The following MARF1 variants were observed in gnomAD, a reference collection of about 807,000 sequenced individuals.
MARF1 encodes meiosis regulator and mRNA stability factor 1, also known as limkain-b1.
MARF1 carries 24 observed loss-of-function variants against 168.2 expected under a neutral mutation model. That is an observed-to-expected ratio of 0.14 (90% confidence interval 0.10 to 0.20). The LOEUF (loss-of-function observed/expected upper bound fraction) is 0.20, where lower values mean the gene tolerates loss of function less well. Among genes scored for constraint, MARF1 ranks in the 10% least tolerant of loss-of-function variants. MARF1 has a pLI of 1.00. For missense variants in MARF1, 1,744 were observed against 2,143.6 expected (o/e 0.81, Z 3.68); for synonymous variants, 868 against 822.4 (o/e 1.06, Z -0.95).
At position 15,617,014 on chromosome 16, in the gene MARF1, T is replaced by G. The variant is rs761345254; in HGVS notation, c.3077+38A>C. ...GCAGGCTTCCTATAAAAAGCAGAAC[T>G]AGGGCATTATATCGACAAAGGCTTT... On this transcript the variant is annotated intron_variant, in intron 15 of 26. Transcript: ENST00000396368. 1.6e-5 allele frequency: 26 copies of G among 1,594,846 alleles called. No individual in the cohort carries two copies. In the South Asian group the frequency reaches 3.0e-4, roughly 18 times the overall value.
rs2098394182 is a variant in MARF1 at position 15,625,705 on chromosome 16, A to C, written c.1620T>G (p.Gly540=). ...AGCCTGTGATACTCAGCACTTTCCC[A>C]CCACAATTATCGGACAGGCGTCTGA... ...NRLRRLSDNC[G]GKVLSITGCS... The change falls in exon 8 of 27, where the codon GGT becomes GGG. Residue 540 remains glycine (G), a synonymous_variant. Coordinates refer to ENST00000396368, the MANE Select transcript of MARF1 (RefSeq NM_014647.4). 1.2e-6 allele frequency: 2 copies of C among 1,614,136 alleles called. No homozygotes were observed. The highest frequency in any genetic ancestry group is 8.5e-7 in the Non-Finnish European group (1 of 1,180,016).
chr16:15,611,887 G>T (rs1424216845), intron 17 of MARF1, among the ~76,000 whole-genome samples, 153 bp from the exon 18 acceptor site: 1 of 152,212 alleles, frequency 6.6e-6, no homozygotes, highest in Admixed American at 6.5e-5. Flanking sequence ...ACAAAATGTA[G>T]TTGGTCAAAA....
chr16:15,627,759 A>G (rs2034972370), intron 7 of MARF1, among the ~76,000 whole-genome samples: 1 of 152,246 alleles, frequency 6.6e-6, no homozygotes, highest in African/African-American at 2.4e-5. Flanking sequence ...AATTTACAGA[A>G]GAAATAAAAA....
Position 15,625,022 on chromosome 16 carries a change from C to G in MARF1, c.2105G>C (p.Ser702Thr), listed in dbSNP as rs116690167. 2.1e-3 allele frequency: 3,431 copies of G among 1,614,182 alleles called. 66 individuals are homozygous for G. In the African/African-American group the frequency reaches 0.041, roughly 19 times the overall value. ...SGVAEPVYKT[S>T]QKKENLSARS... ...AAAGAGTAGTTTCACATACTTCTGA[C>G]TGGTTTTGTAAACGGGTTCTGCCAC... The change falls in exon 9 of 27, where the codon AGT becomes ACT. Residue 702 changes from serine to threonine, a missense_variant. This residue lies in a region of MARF1 where 270 missense variants were observed against 260.6 expected (regional missense o/e 1.04). Coordinates refer to ENST00000396368, the MANE Select transcript of MARF1 (RefSeq NM_014647.4).
chr16:15,612,674 T>A lies in MARF1; in HGVS notation c.3357A>T (p.Ile1119=). The part of the protein sequence containing the change: ...DLLKSQPSCV[I]PISHFIPSYH... ...AGGATGGGATGAAATGACTGATGGG[T>A]ATGACACAAGATGGCTGGCTTTTCA... The change falls in exon 17 of 27, where the codon ATA becomes ATT. Residue 1119 remains isoleucine (I), a synonymous_variant. Coordinates refer to ENST00000396368, the MANE Select transcript of MARF1 (RefSeq NM_014647.4). 1 of 1,614,162 alleles carries A rather than the reference T, an allele frequency of 6.2e-7. No homozygotes were observed. The highest frequency in any genetic ancestry group is 8.5e-7 in the Non-Finnish European group (1 of 1,180,006).
At chr16:15,641,726 G>T (rs2035979038) in intron 1 of MARF1, among the ~76,000 whole-genome samples, 1 of 152,196 alleles carries the variant, frequency 6.6e-6, no homozygotes, top group South Asian at 2.1e-4. Context: ...GAAACTTAAT[G>T]AAGTTTTGTA....
At chr16:15,617,556 AC>A in intron 13 of MARF1, 21 bp from the exon 14 acceptor site, 1 of 1,533,584 alleles carries the variant, frequency 6.5e-7, no homozygotes, top group South Asian at 1.1e-5. Context: ...GAGAAGAGAG[AC>A]GCTGACTTAG....
At position 15,639,604 on chromosome 16, in the gene MARF1, T is replaced by G. The variant is rs1347741235; in HGVS notation, c.-58-313A>C. 7.0e-4 allele frequency among the ~76,000 whole-genome samples: 107 copies of G among 152,284 alleles called. 1 individual carries two copies. Among genetic ancestry groups the G allele is most frequent in the Non-Finnish European group, 1.5e-4 (10 of 68,028 alleles). On this transcript the variant is annotated intron_variant, in intron 1 of 26. Transcript: ENST00000396368. ...TTAGTAGAGATGGGGTTTCACCAAG[T>G]TGGCCAGGCTGGTCTTGAACTCCTG...
At chr16:15,621,609 G>T in intron 12 of MARF1, 124 bp downstream of exon 12, 1 of 903,242 alleles carries the variant, frequency 1.1e-6, no homozygotes, top group Non-Finnish European at 1.7e-6. Flanking sequence ...TCTAGAATAA[G>T]CATTATTCCA....
At chr16:15,628,912 G>A (rs982264654) in intron 7 of MARF1, among the ~76,000 whole-genome samples, 1 of 152,020 alleles carries the variant, frequency 6.6e-6, no homozygotes, top group African/African-American at 2.4e-5. Flanking sequence ...CACTCTAGTG[G>A]ATGGGAAAAA....
intron 3 of MARF1, 132 bp downstream of exon 3, chr16:15,635,524 T>C (rs2035531300): frequency 1.3e-6 from 1 of 787,524 alleles, no homozygotes; most frequent in African/African-American, 1.8e-5. Flanking sequence ...AAAATTATGC[T>C]GATGGGGAGA....
chr16:15,624,447 G>A (rs970690397), intron 10 of MARF1, among the ~76,000 whole-genome samples: 3 of 152,122 alleles, frequency 2.0e-5, no homozygotes, highest in African/African-American at 4.8e-5. Flanking sequence ...ACCAATGCAC[G>A]GCTCGTTTGG....
chr16:15,597,024 G>A (rs1567520049), intron 26 of MARF1, 87 bp from the exon 27 acceptor site: 1 of 1,400,866 alleles, frequency 7.1e-7, no homozygotes, highest in Non-Finnish European at 9.5e-7. Flanking sequence ...TTTCTCAAAA[G>A]ATAATAATAG....
In MARF1 at chr16:15,624,550, T is replaced by C. The variant is rs538820446; in HGVS notation, c.2270+219A>G. On this transcript the variant is annotated intron_variant, in intron 10 of 26. Transcript: ENST00000396368. ...CCAACAGGCTTCTCTTTCTGACCTC[T>C]GCTTACCACAATTTCCAGATGGAGG... 6.6e-5 allele frequency among the ~76,000 whole-genome samples: 10 copies of C among 152,310 alleles called. No individual in the cohort carries two copies. In the South Asian group the frequency reaches 2.1e-3, roughly 32 times the overall value.
In MARF1 at chr16:15,617,170, C is replaced by T. The variant is rs202168747; in HGVS notation, c.2959G>A (p.Glu987Lys). 98 of 1,613,600 alleles carry T rather than the reference C, an allele frequency of 6.1e-5. No homozygotes were observed. The highest frequency in any genetic ancestry group is 3.3e-4 in the Middle Eastern group (2 of 6,084). ...RQHCSNKDFS[E>K]HEFDPDSYKI... is the part of the protein sequence containing the mutation. ...TAAGAGTCTGGATCAAATTCATGTT[C>T]GCTGAAGAAAAGAGAACACAATTGG... The change falls in exon 15 of 27, where the codon GAA becomes AAA. Residue 987 changes from glutamate to lysine, a missense_variant and splice_region_variant. Glu to Lys is a moderately conservative substitution (Grantham distance 56). Around this residue, in one of 7 missense-constraint regions of MARF1, gnomAD observed 543 missense variants for 742.1 expected, o/e 0.73. Transcript: ENST00000396368.
chr16:15,624,963 A>G (rs1230074512), intron 9 of MARF1, 36 bp from the exon 10 acceptor site: 1 of 1,613,790 alleles, frequency 6.2e-7, no homozygotes, highest in East Asian at 2.2e-5. Flanking sequence ...AAAAGGTCAT[A>G]TGTCTTCCTT....
chr16:15,635,409 C>CT (rs2035520517), intron 3 of MARF1: 1 of 512,500 alleles, frequency 2.0e-6, no homozygotes, highest in Non-Finnish European at 3.4e-6. Context: ...TTGCCAACCT[C>CT]TTGTTTGCAA....
intron 4 of MARF1, among the ~76,000 whole-genome samples, chr16:15,634,061 A>C (rs1801634176): frequency 6.6e-6 from 1 of 152,218 alleles, no homozygotes; most frequent in African/African-American, 2.4e-5. Flanking sequence ...AGGAGAAGAC[A>C]AATCTAAAAG....
In MARF1 at chr16:15,625,519, C is replaced by T. The variant is rs1165568472; in HGVS notation, c.1806G>A (p.Val602=). 1.9e-6 allele frequency: 3 copies of T among 1,614,184 alleles called. No individual in the cohort carries two copies. Among genetic ancestry groups the T allele is most frequent in the Non-Finnish European group, 2.5e-6 (3 of 1,180,036 alleles). Residue 602 remains valine (V), a synonymous_variant, in exon 8 of 27, where the codon GTG becomes GTA. Coordinates refer to ENST00000396368, the MANE Select transcript of MARF1 (RefSeq NM_014647.4). ...GATTCTTAAGTTTTTTGGGAGACTT[C>T]ACTTTATCAGCAATTGCATTTGAAC... is the stretch of plus-strand genomic sequence containing the variant. ...TKSSNAIADK[V]KSPKKLKNPK...
Sources: allele counts gnomAD v4.1 joint callset (sites outside exome capture counted in the v4.1 genomes callset), GRCh38; gene constraint gnomAD v4.1.1; regional missense constraint gnomAD v4.1.1; transcripts MANE v1.5; gene names NCBI Gene and HGNC (gene_info 2026-07-23, HGNC 2026-07-21).